GRID1: variants seen among roughly 807,000 people sequenced by gnomAD.
The protein encoded by GRID1 is glutamate receptor ionotropic, delta-1.
In GRID1, 28 loss-of-function variants were observed where a neutral mutation model predicts 98.0. The ratio of observed to expected loss-of-function variants is 0.29; its 90% confidence interval spans 0.21 to 0.39. The LOEUF is 0.39. GRID1 is among the 10% of genes least tolerant of loss of function. The probability of loss-of-function intolerance (pLI) is 1.00; values close to 1 mark genes in which losing one functional copy is unlikely to be tolerated. For missense variants in GRID1, 1,111 were observed against 1,340.5 expected, an observed-to-expected ratio of 0.83 and a Z score of 2.67; for synonymous variants, 553 against 538.5, an observed-to-expected ratio of 1.03 and a Z score of -0.37.
intron 14 of GRID1, among the ~76,000 whole-genome samples, chr10:85,615,209 A>G (rs565152350): frequency 6.6e-6 from 1 of 152,338 alleles, no homozygotes; most frequent in Admixed American, 6.5e-5. Flanking sequence ...TGTCAGCATC[A>G]TGGGTCCAGT....
chr10:86,073,346 C>T (rs1440267592), intron 4 of GRID1, among the ~76,000 whole-genome samples: 1 of 152,164 alleles, frequency 6.6e-6, no homozygotes, highest in Non-Finnish European at 1.5e-5. Context: ...GGTGTTTATT[C>T]CCTGTTACAC....
At chr10:86,309,227 G>T (rs894118254) in intron 2 of GRID1, among the ~76,000 whole-genome samples, 2 of 152,152 alleles carry the variant, frequency 1.3e-5, no homozygotes, top group African/African-American at 4.8e-5. Context: ...CACAGCTGGA[G>T]TTTGACAAAG....
At chr10:85,618,444 G>C (rs1035377673) in intron 14 of GRID1, among the ~76,000 whole-genome samples, 1 of 152,198 alleles carries the variant, frequency 6.6e-6, no homozygotes, top group Non-Finnish European at 1.5e-5. Context: ...ATCCTGGAGA[G>C]AAGCCATTCT....
intron 12 of GRID1, chr10:85,648,071 C>T (rs1041668680): frequency 3.9e-5 from 6 of 152,172 alleles, no homozygotes; most frequent in Admixed American, 3.3e-4. Flanking sequence ...TATATCTCTC[C>T]TGATTTTAAA....
intron 4 of GRID1, among the ~76,000 whole-genome samples, chr10:85,931,070 G>A (rs1841845376): frequency 1.3e-5 from 2 of 152,128 alleles, no homozygotes; most frequent in South Asian, 4.1e-4. Flanking sequence ...AAACTCATGT[G>A]ATCTGCAGGC....
intron 8 of GRID1, among the ~76,000 whole-genome samples, chr10:85,800,426 A>T (rs918375582): frequency 6.6e-6 from 1 of 152,086 alleles, no homozygotes. Flanking sequence ...ATATTGTTAC[A>T]TAGAGAAAAA....
At chr10:85,852,604 C>T (rs561995211) in intron 8 of GRID1, among the ~76,000 whole-genome samples, 14 of 152,326 alleles carry the variant, frequency 9.2e-5, no homozygotes, top group East Asian at 1.9e-4. Flanking sequence ...AAGGCAAGTG[C>T]GCCAGGACCG....
intron 13 of GRID1, among the ~76,000 whole-genome samples, chr10:85,626,686 C>G (rs1842916619): frequency 6.6e-6 from 1 of 152,124 alleles, no homozygotes; most frequent in South Asian, 2.1e-4. Context: ...AGTCTTAGTT[C>G]CTATAGTCAC....
At chr10:85,787,779 C>T (rs1842442871) in intron 8 of GRID1, among the ~76,000 whole-genome samples, 1 of 152,278 alleles carries the variant, frequency 6.6e-6, no homozygotes, top group South Asian at 2.1e-4. Flanking sequence ...CCCCGCCTTG[C>T]CCCTCTCTGC....
chr10:85,894,382 C>G (rs1841251582), intron 5 of GRID1, among the ~76,000 whole-genome samples: 1 of 151,730 alleles, frequency 6.6e-6, no homozygotes, highest in South Asian at 2.1e-4. Context: ...ATAAGCTCCA[C>G]AAAAAAAGAG....
chr10:86,055,264 G>A (rs1292433407), intron 4 of GRID1, among the ~76,000 whole-genome samples: 1 of 152,206 alleles, frequency 6.6e-6, no homozygotes, highest in Non-Finnish European at 1.5e-5. Flanking sequence ...CTGGATACAG[G>A]TGAGTACCAT....
intron 4 of GRID1, among the ~76,000 whole-genome samples, chr10:86,113,310 T>C (rs1844518037): frequency 6.6e-6 from 1 of 152,218 alleles, no homozygotes; most frequent in African/African-American, 2.4e-5. Context: ...ACCATGCTGC[T>C]GCCTCCCCTC....
intron 2 of GRID1, among the ~76,000 whole-genome samples, chr10:86,245,277 G>T (rs183631938): frequency 6.6e-6 from 1 of 152,192 alleles, no homozygotes; most frequent in Non-Finnish European, 1.5e-5. Flanking sequence ...AACCCCTTAC[G>T]GCAAGTGGGC....
At position 85,957,803 on chromosome 10, in the gene GRID1, G is replaced by A. The variant is rs532305954; in HGVS notation, c.727-41564C>T. Among the ~76,000 whole-genome samples, 5 of 152,300 alleles carry A rather than the reference G, an allele frequency of 3.3e-5. No individual in the cohort carries two copies. The East Asian group carries it at 9.7e-4, about 29-fold the overall frequency. ...AACTCTTCCCCTAAGCTTGGGAGAG[G>A]AGAGGTTAATGGAAAGCTAGGCTGG... On this transcript the variant is annotated intron_variant, in intron 4 of 15. Coordinates refer to ENST00000327946, the MANE Select transcript of GRID1 (RefSeq NM_017551.3).
At chr10:85,917,204 G>A (rs1363040464) in intron 4 of GRID1, among the ~76,000 whole-genome samples, 1 of 152,070 alleles carries the variant, frequency 6.6e-6, no homozygotes, top group Non-Finnish European at 1.5e-5. Context: ...GCTGAGCCTG[G>A]GCACTGAGCC....
chr10:86,350,883 A>T (rs1382261875), intron 2 of GRID1, among the ~76,000 whole-genome samples: 1 of 152,154 alleles, frequency 6.6e-6, no homozygotes, highest in Admixed American at 6.5e-5. Flanking sequence ...GGACCACTAG[A>T]ACTTATGCCT....
chr10:86,001,412 A>G (rs557830104), intron 4 of GRID1, among the ~76,000 whole-genome samples: 1 of 152,296 alleles, frequency 6.6e-6, no homozygotes, highest in African/African-American at 2.4e-5. Context: ...AGGAAGATTG[A>G]TAAGACATTG....
rs181425097 is a variant in GRID1 at position 86,245,619 on chromosome 10, G to T, written c.236-38971C>A. Among the ~76,000 whole-genome samples, 613 of 152,250 alleles carry T rather than the reference G, an allele frequency of 4.0e-3. 4 individuals carry two copies. Among genetic ancestry groups the T allele is most frequent in the African/African-American group, 0.014 (591 of 41,540 alleles). The stretch of plus-strand genomic sequence containing the variant: ...TGGTGGCCTCTGCAAAACAGAGAAG[G>T]CCCCACCCAAAGGAACTGCCTGTGA... On this transcript the variant is annotated intron_variant, in intron 2 of 15. Coordinates refer to ENST00000327946, the MANE Select transcript of GRID1 (RefSeq NM_017551.3).
At chr10:85,991,610 G>A (rs1222394018) in intron 4 of GRID1, among the ~76,000 whole-genome samples, 2 of 152,176 alleles carry the variant, frequency 1.3e-5, no homozygotes, top group African/African-American at 4.8e-5. Flanking sequence ...GGCTGATGCT[G>A]ATATCATAGA....
Sources: gnomAD v4.1 joint callset for allele counts (sites outside exome capture counted in the v4.1 genomes callset) on GRCh38, gnomAD v4.1.1 for gene constraint, MANE v1.5 for transcripts, NCBI Gene and HGNC (gene_info 2026-07-23, HGNC 2026-07-21) for gene names.